ENOX1: variants seen among roughly 807,000 people sequenced by gnomAD.
The protein encoded by ENOX1 is ecto-NOX disulfide-thiol exchanger 1.
ENOX1 carries 42 observed loss-of-function variants against 82.5 expected under a neutral mutation model. The ratio of observed to expected loss-of-function variants is 0.51; its 90% CI spans 0.40 to 0.66. The LOEUF (loss-of-function observed/expected upper bound fraction) is 0.66. Among genes scored for constraint, ENOX1 ranks in the 30% least tolerant of loss-of-function variants. The pLI, the probability that ENOX1 is intolerant of heterozygous loss-of-function variation, is 0.00. For synonymous variants in ENOX1, 271 were observed against 282.2 expected (o/e 0.96, Z 0.40); for missense variants, 608 against 811.6 (o/e 0.75, Z 3.05).
chr13:43,346,590 G>C (rs1366158181), intron 8 of ENOX1, among the ~76,000 whole-genome samples: 1 of 152,164 alleles, frequency 6.6e-6, no homozygotes, highest in Non-Finnish European at 1.5e-5. Flanking sequence ...TTCAGTCTAA[G>C]TTCAACCCTC....
At chr13:43,741,792 T>C (rs2153827207) in intron 1 of ENOX1, among the ~76,000 whole-genome samples, 1 of 152,350 alleles carries the variant, frequency 6.6e-6, no homozygotes, top group Non-Finnish European at 1.5e-5. Flanking sequence ...GCTTTTAGTG[T>C]CATATTTAAG....
intron 2 of ENOX1, among the ~76,000 whole-genome samples, chr13:43,648,288 A>G (rs1339692929): frequency 6.6e-6 from 1 of 152,160 alleles, no homozygotes; most frequent in Non-Finnish European, 1.5e-5. Flanking sequence ...TTGAGCACCT[A>G]CCACAGCCCA....
In ENOX1 at chr13:43,387,951, T is replaced by A. The variant is rs114351394; in HGVS notation, c.208+23965A>T. ...ATTAATGTTTGGAAGTACTTCAGAC[T>A]GCTCAGGAAAAGTTAACCATAGGTG... On this transcript the variant is annotated intron_variant, in intron 5 of 16. Transcript: ENST00000690772. Among the ~76,000 whole-genome samples the A allele has an allele frequency of 2.5e-3, 387 of 152,268 alleles. 1 individual carries two copies. Among genetic ancestry groups the A allele is most frequent in the African/African-American group, 8.9e-3 (370 of 41,562 alleles).
rs2046782412 is a variant in ENOX1, at chr13:43,305,011, A to T, written c.1262-6481T>A. ...CCCATGAACTCTGTCCCCTGAGTCT[A>T]CTTTGCTTGGGCTAATGAAGGCCAA... On this transcript the variant is annotated intron_variant, in intron 11 of 16. Coordinates refer to ENST00000690772, the MANE Select transcript of ENOX1 (RefSeq NM_001347969.2). Among the ~76,000 whole-genome samples the T allele has an allele frequency of 2.0e-5, 3 of 152,252 alleles. No homozygotes were observed. The East Asian group carries it at 5.8e-4, about 29-fold the overall frequency.
chr13:43,661,556 T>C (rs542778262), intron 2 of ENOX1, among the ~76,000 whole-genome samples: 154 of 152,302 alleles, frequency 1.0e-3, no homozygotes, highest in African/African-American at 3.5e-3. Flanking sequence ...TTTCAAAAAA[T>C]GTAATCTGCC....
intron 1 of ENOX1, among the ~76,000 whole-genome samples, chr13:43,774,768 G>A (rs1459030314): frequency 1.3e-5 from 2 of 152,150 alleles, no homozygotes; most frequent in South Asian, 4.1e-4. Flanking sequence ...CCCCAGCCCT[G>A]CTCTCACTGC....
chr13:43,324,310 T>C (rs772490732), intron 10 of ENOX1, among the ~76,000 whole-genome samples: 4 of 152,110 alleles, frequency 2.6e-5, no homozygotes, highest in African/African-American at 7.2e-5. Context: ...CAAACTGTCA[T>C]ATGGTAGTTG....
chr13:43,415,176 C>T (rs2054368969), intron 3 of ENOX1, among the ~76,000 whole-genome samples: 1 of 148,300 alleles, frequency 6.7e-6, no homozygotes, highest in Non-Finnish European at 1.5e-5. Context: ...ATTTATCCCC[C>T]AATGAAACTC....
chr13:43,766,085 G>A (rs995490869), intron 1 of ENOX1, among the ~76,000 whole-genome samples: 3 of 152,042 alleles, frequency 2.0e-5, no homozygotes, highest in Non-Finnish European at 2.9e-5. Context: ...GCATTTTTCC[G>A]CTTGGACATG....
At chr13:43,722,178 T>C (rs574514405) in intron 1 of ENOX1, among the ~76,000 whole-genome samples, 1 of 152,246 alleles carries the variant, frequency 6.6e-6, no homozygotes, top group Non-Finnish European at 1.5e-5. Context: ...AAAGACAATG[T>C]AAGTGAAAGC....
intron 2 of ENOX1, among the ~76,000 whole-genome samples, chr13:43,556,233 GT>G (rs5803187): frequency 0.96 from 142,462 of 148,256 alleles, 68,564 homozygotes; most frequent in South Asian, 1. Flanking sequence ...AACTTGCCCA[GT>G]TTTTTTTTTT....
At chr13:43,446,045 C>T (rs2056633790) in intron 3 of ENOX1, among the ~76,000 whole-genome samples, 1 of 152,214 alleles carries the variant, frequency 6.6e-6, no homozygotes, top group African/African-American at 2.4e-5. Flanking sequence ...TGTCTCCCTT[C>T]TTCCTAAATG....
chr13:43,511,631 A>G (rs993000418), intron 2 of ENOX1, among the ~76,000 whole-genome samples: 3 of 152,170 alleles, frequency 2.0e-5, no homozygotes, highest in African/African-American at 7.2e-5. Context: ...CCTGGGATAA[A>G]GGAGTTTGCC....
At chr13:43,233,347 G>A (rs908216928) in intron 15 of ENOX1, among the ~76,000 whole-genome samples, 1 of 152,164 alleles carries the variant, frequency 6.6e-6, no homozygotes, top group South Asian at 2.1e-4. Context: ...CAAGAAGAAA[G>A]TCCATCAGAA....
chr13:43,394,162 A>C (rs75238154), intron 5 of ENOX1, among the ~76,000 whole-genome samples: 3,490 of 152,316 alleles, frequency 0.023, 139 homozygotes, highest in African/African-American at 0.078. Flanking sequence ...CTTTTACAGC[A>C]ATACATAATG....
chr13:43,304,838 T>C (rs1924633), intron 11 of ENOX1, among the ~76,000 whole-genome samples: 131,347 of 152,136 alleles, frequency 0.86, 56,914 homozygotes, highest in East Asian at 0.96. Flanking sequence ...GTTTTGTCCA[T>C]AGACCCATGC....
chr13:43,733,857 G>A (rs2089472302), intron 1 of ENOX1, among the ~76,000 whole-genome samples: 1 of 152,084 alleles, frequency 6.6e-6, no homozygotes, highest in Non-Finnish European at 1.5e-5. Context: ...AATATGACTG[G>A]TAAACCTATA....
chr13:43,742,644 C>T (rs1949804920), intron 1 of ENOX1, among the ~76,000 whole-genome samples: 1 of 152,160 alleles, frequency 6.6e-6, no homozygotes, highest in Non-Finnish European at 1.5e-5. Flanking sequence ...TCTGGGCATT[C>T]TTTGGCCTTG....
At chr13:43,437,379 C>A (rs1273105228) in intron 3 of ENOX1, among the ~76,000 whole-genome samples, 1 of 152,198 alleles carries the variant, frequency 6.6e-6, no homozygotes, top group East Asian at 1.9e-4. Context: ...CTGCAACCAA[C>A]ATAATATGAC....
Sources: allele counts gnomAD v4.1 joint callset (sites outside exome capture counted in the v4.1 genomes callset), GRCh38; gene constraint gnomAD v4.1.1; transcripts MANE v1.5; gene names NCBI Gene and HGNC (gene_info 2026-07-23, HGNC 2026-07-21).